Variants in CREB5 observed in about 807,000 individuals in gnomAD.
CREB5 encodes cyclic AMP-responsive element-binding protein 5.
CREB5 carries 19 observed loss-of-function variants against 57.1 expected under a neutral mutation model. That is an observed-to-expected ratio of 0.33 (90% CI 0.23 to 0.49). CREB5 has a LOEUF of 0.49. Ranked by LOEUF, CREB5 falls within the 20% of genes least tolerant of loss-of-function variation. CREB5 has a pLI of 0.99. For missense variants in CREB5, 579 were observed against 671.6 expected (o/e 0.86, Z 1.52); for synonymous variants, 238 against 238.3 (o/e 1.00, Z 0.01).
intron 9 of CREB5, among the ~76,000 whole-genome samples, chr7:28,810,339 G>A (rs1809037737): frequency 6.6e-6 from 1 of 152,164 alleles, no homozygotes; most frequent in Non-Finnish European, 1.5e-5. Flanking sequence ...AATGGCCAAA[G>A]AGAGTGGGGC....
chr7:28,580,370 CTGTG>C (rs1364765957), intron 5 of CREB5, among the ~76,000 whole-genome samples: 1 of 140,310 alleles, frequency 7.1e-6, no homozygotes, highest in African/African-American at 2.9e-5. Context: ...TGAGGGGTGT[CTGTG>C]TGTGTGGGGG....
chr7:28,661,676 T>C (rs914304919), intron 5 of CREB5, among the ~76,000 whole-genome samples: 5 of 152,236 alleles, frequency 3.3e-5, no homozygotes, highest in African/African-American at 1.2e-4. Context: ...TTCTGACTTT[T>C]ATTTTTCTCT....
intron 7 of CREB5, among the ~76,000 whole-genome samples, chr7:28,738,455 A>G (rs915346245): frequency 1.3e-5 from 2 of 152,230 alleles, no homozygotes; most frequent in African/African-American, 4.8e-5. Flanking sequence ...CGTACCCATG[A>G]TAACAGAGTG....
chr7:28,528,712 A>G (rs1793575535), intron 4 of CREB5, among the ~76,000 whole-genome samples: 1 of 149,610 alleles, frequency 6.7e-6, no homozygotes, highest in South Asian at 2.1e-4. Context: ...CTCAAAAAAA[A>G]AAAAAAAAAA....
At chr7:28,301,525 A>G (rs1255376636) in intron 1 of CREB5, among the ~76,000 whole-genome samples, 1 of 152,198 alleles carries the variant, frequency 6.6e-6, no homozygotes, top group East Asian at 1.9e-4. Context: ...TGGAACTTTG[A>G]GCAGTGAGTT....
intron 1 of CREB5, among the ~76,000 whole-genome samples, chr7:28,374,223 T>C (rs1036388073): frequency 6.6e-6 from 1 of 152,180 alleles, no homozygotes; most frequent in Non-Finnish European, 1.5e-5. Context: ...CAATACCTAG[T>C]GCTAGAGATG....
chr7:28,547,851 C>T (rs1794478224), intron 4 of CREB5, among the ~76,000 whole-genome samples: 1 of 152,202 alleles, frequency 6.6e-6, no homozygotes, highest in African/African-American at 2.4e-5. Context: ...ATATCTTATA[C>T]TTCTTATGGG....
At chr7:28,667,357 AG>A (rs1799866346) in intron 5 of CREB5, among the ~76,000 whole-genome samples, 1 of 151,404 alleles carries the variant, frequency 6.6e-6, no homozygotes, top group Admixed American at 6.6e-5. Context: ...GTGACCCCTT[AG>A]AAATTTCTGT....
intron 1 of CREB5, among the ~76,000 whole-genome samples, chr7:28,385,692 T>C (rs865948697): frequency 6.6e-6 from 1 of 150,872 alleles, no homozygotes; most frequent in African/African-American, 2.4e-5. Context: ...AAAAAAAGTA[T>C]GTATATGAGA....
chr7:28,411,144 T>A (rs1787779520), upstream of CREB5, among the ~76,000 whole-genome samples: 1 of 152,214 alleles, frequency 6.6e-6, no homozygotes, highest in Non-Finnish European at 1.5e-5. Flanking sequence ...TGCTTAGTCC[T>A]GATAGAAAAG....
intron 1 of CREB5, among the ~76,000 whole-genome samples, chr7:28,301,230 ACCTG>A (rs756754817): frequency 6.6e-6 from 1 of 152,214 alleles, no homozygotes; most frequent in Non-Finnish European, 1.5e-5. Context: ...ATTGTGGTCA[ACCTG>A]TCTGGCAGGG....
chr7:28,460,227 G>T (rs184598380), intron 1 of CREB5, among the ~76,000 whole-genome samples: 44 of 152,284 alleles, frequency 2.9e-4, no homozygotes, highest in African/African-American at 9.9e-4. Context: ...GGAAATAAAA[G>T]GTTGCAGGGG....
intron 1 of CREB5, among the ~76,000 whole-genome samples, chr7:28,398,136 C>T (rs1468509928): frequency 6.6e-6 from 1 of 152,114 alleles, no homozygotes; most frequent in Non-Finnish European, 1.5e-5. Context: ...GATTTGAACT[C>T]ATGAAACCTG....
chr7:28,502,093 A>G (rs968838889), intron 3 of CREB5, among the ~76,000 whole-genome samples: 8 of 152,186 alleles, frequency 5.3e-5, no homozygotes, highest in African/African-American at 1.4e-4. Flanking sequence ...GGTTTGTCCC[A>G]TTGTAGCACT....
Position 28,809,270 on chromosome 7 carries a change from A to G in CREB5, c.1110A>G (p.Val370=). ...CAGGGGGGCGCCGGCGAAGGGTGGT[A>G]GACGAGGATCCGGACGAGAGGCGGC... ...QPTGGRRRRV[V]DEDPDERRRK... is the part of the protein sequence containing the mutation. Residue 370 remains valine (V), a synonymous_variant, in exon 9 of 11, where the codon GTA becomes GTG. Transcript: ENST00000357727. 6.2e-7 allele frequency: 1 copy of G among 1,614,186 alleles called. No homozygotes were observed.
At chr7:28,465,631 C>G (rs928586895) in intron 1 of CREB5, among the ~76,000 whole-genome samples, 3 of 152,142 alleles carry the variant, frequency 2.0e-5, no homozygotes, top group Non-Finnish European at 4.4e-5. Flanking sequence ...TTTACTTTCC[C>G]TCTCTAAGTC....
intron 5 of CREB5, among the ~76,000 whole-genome samples, chr7:28,641,653 T>C (rs1798664323): frequency 1.3e-5 from 2 of 152,174 alleles, no homozygotes; most frequent in African/African-American, 4.8e-5. Context: ...TTCACATTTC[T>C]AGCTACATCA....
At position 28,513,160 on chromosome 7, in the gene CREB5, T is replaced by C. The variant is rs1245784419; in HGVS notation, c.291+5423T>C. The stretch of plus-strand genomic sequence containing the variant: ...AGAGGCACTTTGCCTTCTTACACTA[T>C]CTTGTGCCCATCAGCCGCTAGCCAG... On this transcript the variant is annotated intron_variant, in intron 4 of 10. Transcript: ENST00000357727. Among the ~76,000 whole-genome samples the C allele has an allele frequency of 2.0e-5, 3 of 152,214 alleles. No homozygotes were observed. The East Asian group carries it at 5.8e-4, about 29-fold the overall frequency.
intron 1 of CREB5, among the ~76,000 whole-genome samples, chr7:28,429,350 G>C (rs10228931): frequency 0.42 from 63,851 of 152,000 alleles, 14,607 homozygotes; most frequent in African/African-American, 0.57. Flanking sequence ...TCCACATTCC[G>C]ACCAGAATCT....
Sources: gnomAD v4.1 joint callset for allele counts (sites outside exome capture counted in the v4.1 genomes callset) on GRCh38, gnomAD v4.1.1 for gene constraint, MANE v1.5 for transcripts, NCBI Gene and HGNC (gene_info 2026-07-23, HGNC 2026-07-21) for gene names.